The following SCD5 variants were observed in gnomAD, a reference collection of about 807,000 sequenced individuals.
SCD5 encodes the protein stearoyl-CoA desaturase 5.
Under a neutral mutation model 30.4 loss-of-function variants are expected in SCD5, and 20 were observed. The observed-to-expected ratio is 0.66, with a 90% CI of 0.46 to 0.96. The LOEUF is 0.96. SCD5 is among the 40% of genes least tolerant of loss of function. The pLI is 0.00. For missense variants in SCD5, 381 were observed against 443.3 expected (o/e 0.86, Z 1.26); for synonymous variants, 173 against 176.4 (o/e 0.98, Z 0.16).
rs377264890 is a variant in SCD5, at chr4:82,718,552, C to T, written c.233-13139G>A. The stretch of plus-strand genomic sequence containing the variant: ...ATTTGGCAGCGAGGTGTACTTGCTG[C>T]TCCCCCCACCAAAAAGTTACAAAAC... On this transcript the variant is annotated intron_variant, in intron 1 of 4. Transcript: ENST00000319540. Among the ~76,000 whole-genome samples the T allele has an allele frequency of 1.4e-4, 21 of 151,886 alleles. 1 individual carries two copies. Among genetic ancestry groups the T allele is most frequent in the Admixed American group, 3.3e-4 (5 of 15,278 alleles).
chr4:82,638,890 TAACA>T (rs1463939211), intron 3 of SCD5, among the ~76,000 whole-genome samples: 3 of 152,250 alleles, frequency 2.0e-5, no homozygotes, highest in African/African-American at 7.2e-5. Context: ...CATTTAATTC[TAACA>T]AACATTCTCT....
chr4:82,718,082 T>TAATAAA (rs1578035946), intron 1 of SCD5, among the ~76,000 whole-genome samples: 16 of 143,130 alleles, frequency 1.1e-4, no homozygotes, highest in East Asian at 4.0e-4. Context: ...CTTTTTTTTT[T>TAATAAA]AAAAAAAAAA....
chr4:82,738,177 T>C (rs1168267508), intron 1 of SCD5, among the ~76,000 whole-genome samples: 1 of 152,162 alleles, frequency 6.6e-6, no homozygotes, highest in Non-Finnish European at 1.5e-5. Flanking sequence ...TCCCAGCACT[T>C]TGGGAGGCCT....
In SCD5 at chr4:82,727,753, C is replaced by T. The variant is rs1344574906; in HGVS notation, c.233-22340G>A. ...ACAGTGTCTCACTCTGTCGCCCAGACTGGAGTGCAGTGACCGCGATCTCGG... is the reference window on the plus strand; with the variant it reads ...ACAGTGTCTCACTCTGTCGCCCAGATTGGAGTGCAGTGACCGCGATCTCGG... On this transcript the variant is annotated intron_variant, in intron 1 of 4. Coordinates refer to ENST00000319540, the MANE Select transcript of SCD5 (RefSeq NM_001037582.3). Among the ~76,000 whole-genome samples, 3 of 152,214 alleles carry T rather than the reference C, an allele frequency of 2.0e-5. No individual in the cohort carries two copies. In the South Asian group the frequency reaches 6.2e-4, roughly 32 times the overall value.
chr4:82,732,815 C>T (rs6822001), intron 1 of SCD5, among the ~76,000 whole-genome samples: 83,408 of 151,974 alleles, frequency 0.55, 24,008 homozygotes, highest in African/African-American at 0.71. Context: ...GGGAAAGAAA[C>T]GGAATGTGGG....
At chr4:82,772,907 T>C (rs975574278) in intron 1 of SCD5, among the ~76,000 whole-genome samples, 1 of 152,218 alleles carries the variant, frequency 6.6e-6, no homozygotes, top group African/African-American at 2.4e-5. Flanking sequence ...ATATGGGTTA[T>C]GAATGAATGA....
chr4:82,694,730 C>T (rs140071340), intron 2 of SCD5, among the ~76,000 whole-genome samples: 1 of 152,034 alleles, frequency 6.6e-6, no homozygotes, highest in South Asian at 2.1e-4. Flanking sequence ...GGAAGTGGAT[C>T]ATCATAAAGG....
At chr4:82,713,801 G>A (rs28743145) in intron 1 of SCD5, among the ~76,000 whole-genome samples, 59,352 of 151,964 alleles carry the variant, frequency 0.39, 12,211 homozygotes, top group African/African-American at 0.51. Flanking sequence ...CGATCCATAT[G>A]CGGTCCCTCT....
intron 1 of SCD5, among the ~76,000 whole-genome samples, chr4:82,725,677 T>C (rs1168322394): frequency 1.3e-5 from 2 of 151,746 alleles, no homozygotes; most frequent in African/African-American, 2.4e-5. Flanking sequence ...CTGGGCAACA[T>C]GATGAAACCC....
At chr4:82,782,834 C>T (rs1721901526) in intron 1 of SCD5, among the ~76,000 whole-genome samples, 1 of 152,232 alleles carries the variant, frequency 6.6e-6, no homozygotes. Context: ...CGGCTATTCA[C>T]ATGCCTAAAA....
In SCD5 at chr4:82,720,441, T is replaced by TACAAAAAAAAAAAAAAAAAA. The variant is rs778480466; in HGVS notation, c.233-15029_233-15028insTTTTTTTTTTTTTTTTTTGT. ...GATGCTGTCTCAAAAAAGGCAAAAA[T>TACAAAAAAAAAAAAAAAAAA]AAAAAAAAAAAAAAAAAAAAAAGAC... On this transcript the variant is annotated intron_variant, in intron 1 of 4. Transcript: ENST00000319540. Among the ~76,000 whole-genome samples, 60 of 77,858 alleles carry TACAAAAAAAAAAAAAAAAAA rather than the reference T, an allele frequency of 7.7e-4. 3 individuals are homozygous for TACAAAAAAAAAAAAAAAAAA. Among genetic ancestry groups the TACAAAAAAAAAAAAAAAAAA allele is most frequent in the African/African-American group, 2.4e-3 (44 of 18,672 alleles). The allele number at this position is 77,858 out of a possible 152,430, so 51.1% of individuals were successfully genotyped here.
chr4:82,728,703 C>A (rs977881325), intron 1 of SCD5, among the ~76,000 whole-genome samples: 1 of 152,138 alleles, frequency 6.6e-6, no homozygotes, highest in Admixed American at 6.5e-5. Flanking sequence ...CATTCCCTAG[C>A]CCCCGACCAC....
At chr4:82,635,391 A>G (rs6832591) in intron 4 of SCD5, among the ~76,000 whole-genome samples, 38,438 of 150,018 alleles carry the variant, frequency 0.26, 6,344 homozygotes, top group African/African-American at 0.43. Flanking sequence ...AGGCCGAGGC[A>G]GGCGGATCAT....
At chr4:82,717,834 T>C (rs1483049024) in intron 1 of SCD5, among the ~76,000 whole-genome samples, 2 of 151,594 alleles carry the variant, frequency 1.3e-5, no homozygotes, top group African/African-American at 2.4e-5. Flanking sequence ...GAGAATTGCT[T>C]GAACCCAGGA....
intron 1 of SCD5, among the ~76,000 whole-genome samples, chr4:82,718,807 C>T (rs1395906940): frequency 2.0e-5 from 3 of 151,702 alleles, no homozygotes; most frequent in Admixed American, 6.6e-5. Context: ...GTGAATAACC[C>T]CAAGACAGAC....
At chr4:82,697,834 A>C (rs1218656372) in intron 2 of SCD5, among the ~76,000 whole-genome samples, 1 of 152,154 alleles carries the variant, frequency 6.6e-6, no homozygotes, top group African/African-American at 2.4e-5. Flanking sequence ...CGCATAACGG[A>C]AGGGGTTACA....
At chr4:82,660,881 A>ACAGG (rs1560526779) in intron 3 of SCD5, 1 of 1,614,052 alleles carries the variant, frequency 6.2e-7, no homozygotes, top group East Asian at 2.2e-5. Context: ...GACCTTCAGA[A>ACAGG]TACCTCCAGG....
chr4:82,696,496 T>C (rs1719698659), intron 2 of SCD5, among the ~76,000 whole-genome samples: 1 of 152,240 alleles, frequency 6.6e-6, no homozygotes, highest in Non-Finnish European at 1.5e-5. Flanking sequence ...ATTTCGTATC[T>C]TCATTAATGT....
intron 1 of SCD5, among the ~76,000 whole-genome samples, chr4:82,766,256 T>C (rs1721482381): frequency 6.6e-6 from 1 of 152,250 alleles, no homozygotes; most frequent in Admixed American, 6.5e-5. Flanking sequence ...CACAGCTCAC[T>C]GATGCTCTGT....
Sources: allele counts gnomAD v4.1 joint callset (sites outside exome capture counted in the v4.1 genomes callset), GRCh38; gene constraint gnomAD v4.1.1; transcripts MANE v1.5; gene names NCBI Gene and HGNC (gene_info 2026-07-23, HGNC 2026-07-21).